Variants in PLCH1 observed in about 807,000 individuals in gnomAD.
The protein encoded by PLCH1 is phospholipase C eta 1, also known as 1-phosphatidylinositol 4,5-bisphosphate phosphodiesterase eta-1.
In PLCH1, 60 loss-of-function variants were observed where a neutral mutation model predicts 126.7. That is an observed-to-expected ratio of 0.47 (90% CI 0.38 to 0.59). The LOEUF (loss-of-function observed/expected upper bound fraction) is 0.59, where lower values mean the gene tolerates loss of function less well. Among genes scored for constraint, PLCH1 ranks in the 20% least tolerant of loss-of-function variants. The pLI is 0.00. For missense variants in PLCH1, 1,723 were observed against 2,040.0 expected (o/e 0.84, Z 2.99); for synonymous variants, 719 against 734.9 (o/e 0.98, Z 0.35).
chr3:155,723,592 T>C (rs895138420), intron 1 of PLCH1, among the ~76,000 whole-genome samples: 2 of 152,130 alleles, frequency 1.3e-5, no homozygotes, highest in African/African-American at 4.8e-5. Context: ...CTCTTAGCAT[T>C]GCCTTTGTTG....
chr3:155,701,822 T>C (rs1746298076), intron 2 of PLCH1, among the ~76,000 whole-genome samples: 1 of 152,178 alleles, frequency 6.6e-6, no homozygotes, highest in South Asian at 2.1e-4. Context: ...TGTTAACAGA[T>C]TCATTTTCAG....
intron 6 of PLCH1, among the ~76,000 whole-genome samples, chr3:155,574,961 T>A (rs1577049836): frequency 6.6e-6 from 1 of 151,650 alleles, no homozygotes; most frequent in Non-Finnish European, 1.5e-5. Flanking sequence ...TGAAACCCCA[T>A]CTCTACTAAA....
chr3:155,581,976 G>A (rs538440), intron 6 of PLCH1, among the ~76,000 whole-genome samples: 73,989 of 150,496 alleles, frequency 0.49, 21,146 homozygotes, highest in Non-Finnish European at 0.65. Flanking sequence ...CAGAACTCCC[G>A]ACCACAGGTG....
intron 2 of PLCH1, among the ~76,000 whole-genome samples, chr3:155,659,198 AAG>A (rs968643141): frequency 2.0e-5 from 3 of 151,658 alleles, no homozygotes; most frequent in African/African-American, 7.3e-5. Flanking sequence ...TCGTCAGGAC[AAG>A]AGATGATGTC....
chr3:155,621,869 C>A (rs985772098), intron 2 of PLCH1, among the ~76,000 whole-genome samples: 2 of 152,188 alleles, frequency 1.3e-5, no homozygotes, highest in Non-Finnish European at 2.9e-5. Context: ...CCTCCCCAAA[C>A]TAGCAAGACA....
chr3:155,511,825 C>G (rs1054896978), intron 12 of PLCH1, among the ~76,000 whole-genome samples: 3 of 151,616 alleles, frequency 2.0e-5, no homozygotes, highest in African/African-American at 4.9e-5. Flanking sequence ...GCCCTGCCCC[C>G]AGAGGTGGAG....
At chr3:155,612,183 G>A (rs1165035319) in intron 2 of PLCH1, among the ~76,000 whole-genome samples, 1 of 152,022 alleles carries the variant, frequency 6.6e-6, no homozygotes. Flanking sequence ...AAATAAATTA[G>A]CCAGGCATAG....
intron 13 of PLCH1, among the ~76,000 whole-genome samples, chr3:155,503,013 T>C (rs1192379099): frequency 1.3e-5 from 2 of 152,228 alleles, no homozygotes; most frequent in Non-Finnish European, 2.9e-5. Context: ...ATTGAATTCT[T>C]ATGTAAGTTT....
intron 19 of PLCH1, among the ~76,000 whole-genome samples, chr3:155,490,168 A>T (rs1448882202): frequency 3.9e-5 from 6 of 152,206 alleles, no homozygotes; most frequent in Non-Finnish European, 8.8e-5. Flanking sequence ...TAATCACAAG[A>T]GATTGAGGAA....
chr3:155,727,576 C>G (rs1748436614), intron 1 of PLCH1, among the ~76,000 whole-genome samples: 1 of 152,006 alleles, frequency 6.6e-6, no homozygotes, highest in Non-Finnish European at 1.5e-5. Context: ...TTATTAGAGA[C>G]AGGGTTTCAC....
chr3:155,502,209 G>A (rs1718011101), intron 13 of PLCH1, among the ~76,000 whole-genome samples: 1 of 152,116 alleles, frequency 6.6e-6, no homozygotes, highest in South Asian at 2.1e-4. Flanking sequence ...TGGTAAACTG[G>A]CTAACCTCAC....
chr3:155,596,654 G>A (rs566285322), intron 2 of PLCH1, among the ~76,000 whole-genome samples: 3 of 150,858 alleles, frequency 2.0e-5, no homozygotes, highest in South Asian at 4.2e-4. Context: ...CTGTTTTTTG[G>A]TATGAGACTT....
At chr3:155,465,782 C>T (rs1311856783) in intron 21 of PLCH1, among the ~76,000 whole-genome samples, 1 of 152,084 alleles carries the variant, frequency 6.6e-6, no homozygotes, top group Non-Finnish European at 1.5e-5. Context: ...GGCCAGGCAG[C>T]ATTCATAACA....
Position 155,594,133 on chromosome 3 carries a change from A to G in PLCH1, c.278T>C (p.Phe93Ser), listed in dbSNP as rs577122446. The change falls in exon 4 of 23, where the codon TTC (phenylalanine) becomes TCC (serine). Residue 93 changes from phenylalanine (F) to serine (S), a missense_variant. Phe to Ser is a radical substitution (Grantham distance 155, BLOSUM62 -2). Coordinates refer to ENST00000460012, the MANE Select transcript of PLCH1 (RefSeq NM_014996.4). ...GAAGTTCCCCTCAGCTTGTCTGTGG[A>G]ATATTTCAGACTGCCGGCCCTCAGT... ...KVTEGRQSEI[F>S]HRQAEGNFDP... 1.2e-6 allele frequency: 2 copies of G among 1,613,958 alleles called. No individual in the cohort carries two copies. The highest frequency in any genetic ancestry group is 1.7e-6 in the Non-Finnish European group (2 of 1,179,962).
At chr3:155,530,995 C>T (rs570172104) in intron 10 of PLCH1, among the ~76,000 whole-genome samples, 27 of 152,240 alleles carry the variant, frequency 1.8e-4, no homozygotes, top group African/African-American at 6.3e-4. Flanking sequence ...TGTCAATGAG[C>T]AGTAATATTT....
At chr3:155,528,167 T>C (rs1413256149) in intron 10 of PLCH1, among the ~76,000 whole-genome samples, 2 of 147,114 alleles carry the variant, frequency 1.4e-5, no homozygotes, top group East Asian at 4.0e-4. Flanking sequence ...GAGGTTGCAG[T>C]GAGTTGAGGT....
chr3:155,715,893 T>A (rs959496022), intron 1 of PLCH1, among the ~76,000 whole-genome samples: 7 of 152,158 alleles, frequency 4.6e-5, no homozygotes, highest in Non-Finnish European at 1.0e-4. Flanking sequence ...CCTGAGCCAC[T>A]GCACTTAGCC....
intron 12 of PLCH1, among the ~76,000 whole-genome samples, chr3:155,505,267 A>G (rs978851856): frequency 6.6e-6 from 1 of 152,174 alleles, no homozygotes; most frequent in African/African-American, 2.4e-5. Flanking sequence ...TTTTCCTCAC[A>G]TAGGTTAATT....
chr3:155,568,450 G>A (rs1180911434), intron 6 of PLCH1, 126 bp from the exon 7 acceptor site: 1 of 457,160 alleles, frequency 2.2e-6, no homozygotes. Context: ...GCATTGTTTG[G>A]GGTTATTAGT....
Sources: allele counts gnomAD v4.1 joint callset (sites outside exome capture counted in the v4.1 genomes callset), GRCh38; gene constraint gnomAD v4.1.1; transcripts MANE v1.5; gene names NCBI Gene and HGNC (gene_info 2026-07-23, HGNC 2026-07-21).